ATP6V1H: variants seen among roughly 807,000 people sequenced by gnomAD.
ATP6V1H encodes the protein ATPase H+ transporting V1 subunit H.
Under a neutral mutation model 71.7 loss-of-function variants are expected in ATP6V1H, and 39 were observed. That is an observed-to-expected ratio of 0.54 (90% CI 0.42 to 0.71). The LOEUF (loss-of-function observed/expected upper bound fraction) is 0.71, where lower values mean the gene tolerates loss of function less well. ATP6V1H is among the 30% of genes least tolerant of loss of function. The pLI is 0.00. For missense variants in ATP6V1H, 509 were observed against 594.9 expected, an observed-to-expected ratio of 0.86 and a Z score of 1.50; for synonymous variants, 192 against 199.3, an observed-to-expected ratio of 0.96 and a Z score of 0.31.
chr8:53,797,252 T>G (rs983727857), intron 8 of ATP6V1H, among the ~76,000 whole-genome samples: 1 of 152,180 alleles, frequency 6.6e-6, no homozygotes, highest in South Asian at 2.1e-4. Flanking sequence ...AGAGGCTGAC[T>G]TCAAGGAAGG....
At chr8:53,780,879 T>C (rs1462941085) in intron 9 of ATP6V1H, among the ~76,000 whole-genome samples, 1 of 152,246 alleles carries the variant, frequency 6.6e-6, no homozygotes, top group Non-Finnish European at 1.5e-5. Context: ...CTCATCATTT[T>C]TTATGGCTGC....
intron 9 of ATP6V1H, among the ~76,000 whole-genome samples, chr8:53,786,023 T>A (rs1194260322): frequency 6.6e-6 from 1 of 152,196 alleles, no homozygotes; most frequent in African/African-American, 2.4e-5. Context: ...CATTCTCAGA[T>A]CTCAAGCTGC....
At chr8:53,826,449 G>C (rs2071171730) in intron 4 of ATP6V1H, among the ~76,000 whole-genome samples, 2 of 152,036 alleles carry the variant, frequency 1.3e-5, no homozygotes, top group Admixed American at 1.3e-4. Flanking sequence ...CCACTAATGG[G>C]GTACCATGTA....
At chr8:53,777,554 T>C (rs560152919) in intron 9 of ATP6V1H, among the ~76,000 whole-genome samples, 1 of 152,288 alleles carries the variant, frequency 6.6e-6, no homozygotes, top group South Asian at 2.1e-4. Context: ...AATCATTTTT[T>C]ATAATAACCT....
At chr8:53,721,602 C>G (rs928658253) in intron 13 of ATP6V1H, among the ~76,000 whole-genome samples, 1 of 152,110 alleles carries the variant, frequency 6.6e-6, no homozygotes, top group Non-Finnish European at 1.5e-5. Flanking sequence ...GCAATGATAA[C>G]TGACATGTTG....
At chr8:53,796,790 ACT>A (rs1246080686) in intron 8 of ATP6V1H, among the ~76,000 whole-genome samples, 1 of 151,990 alleles carries the variant, frequency 6.6e-6, no homozygotes, top group Non-Finnish European at 1.5e-5. Flanking sequence ...TGTAATGGAA[ACT>A]CTCTGCACTT....
intron 13 of ATP6V1H, among the ~76,000 whole-genome samples, chr8:53,721,462 C>T (rs1019302677): frequency 6.6e-6 from 1 of 152,058 alleles, no homozygotes; most frequent in Non-Finnish European, 1.5e-5. Flanking sequence ...CAATATGTAC[C>T]ATTTTTTAGT....
At chr8:53,774,033 A>G (rs1808773212) in intron 9 of ATP6V1H, among the ~76,000 whole-genome samples, 1 of 152,192 alleles carries the variant, frequency 6.6e-6, no homozygotes, top group Non-Finnish European at 1.5e-5. Context: ...TCTGTTATGT[A>G]TTATCAAATG....
intron 4 of ATP6V1H, among the ~76,000 whole-genome samples, chr8:53,819,291 G>A (rs1481857151): frequency 6.6e-6 from 1 of 151,410 alleles, no homozygotes; most frequent in Non-Finnish European, 1.5e-5. Context: ...CAGCACTTTG[G>A]GAGGCTGAGA....
At chr8:53,813,940 C>G (rs1336891484) in intron 6 of ATP6V1H, among the ~76,000 whole-genome samples, 1 of 152,028 alleles carries the variant, frequency 6.6e-6, no homozygotes, top group Non-Finnish European at 1.5e-5. Flanking sequence ...CCAGGCTCAC[C>G]CCTTTCGCAG....
intron 13 of ATP6V1H, 72 bp downstream of exon 13, chr8:53,743,505 T>C: frequency 9.5e-7 from 1 of 1,055,302 alleles, no homozygotes; most frequent in East Asian, 2.4e-5. Context: ...AGCATTTGCA[T>C]AAGAACTTTT....
intron 13 of ATP6V1H, among the ~76,000 whole-genome samples, chr8:53,717,699 G>C (rs1482629425): frequency 6.6e-6 from 1 of 152,070 alleles, no homozygotes; most frequent in African/African-American, 2.4e-5. Context: ...TGCAACTTGG[G>C]AGCATTTGTG....
At chr8:53,738,211 T>C (rs1408962484) in intron 13 of ATP6V1H, among the ~76,000 whole-genome samples, 2 of 151,280 alleles carry the variant, frequency 1.3e-5, no homozygotes, top group African/African-American at 4.9e-5. Context: ...GCAGGAGAAT[T>C]GCCTGAACCC....
At chr8:53,827,946 T>C (rs1667714818) in intron 4 of ATP6V1H, among the ~76,000 whole-genome samples, 1 of 152,156 alleles carries the variant, frequency 6.6e-6, no homozygotes, top group Admixed American at 6.5e-5. Context: ...ATGCTCTCAT[T>C]CTGTTTTATG....
intron 4 of ATP6V1H, among the ~76,000 whole-genome samples, chr8:53,819,389 G>A (rs529525505): frequency 1.1e-3 from 170 of 150,456 alleles, no homozygotes; most frequent in African/African-American, 3.7e-3. Flanking sequence ...AAAATTAGCC[G>A]GGTGTGGCGG....
intron 3 of ATP6V1H, among the ~76,000 whole-genome samples, chr8:53,830,173 C>T (rs1810961970): frequency 6.6e-6 from 1 of 152,188 alleles, no homozygotes; most frequent in South Asian, 2.1e-4. Context: ...CAAATCAAAA[C>T]ACTCTATAAA....
chr8:53,726,752 T>A (rs1000263786), intron 13 of ATP6V1H, among the ~76,000 whole-genome samples: 4 of 152,202 alleles, frequency 2.6e-5, no homozygotes, highest in Non-Finnish European at 4.4e-5. Flanking sequence ...GCTAATTCTC[T>A]TCCCTCCATC....
chr8:53,794,654 C>T (rs1256813588), intron 9 of ATP6V1H, among the ~76,000 whole-genome samples: 1 of 152,184 alleles, frequency 6.6e-6, no homozygotes, highest in East Asian at 1.9e-4. Context: ...GTGTGAACCA[C>T]CACACCCAGC....
intron 4 of ATP6V1H, among the ~76,000 whole-genome samples, chr8:53,829,042 A>G (rs1399030876): frequency 6.6e-6 from 1 of 152,190 alleles, no homozygotes; most frequent in East Asian, 1.9e-4. Flanking sequence ...GAACAAAAGC[A>G]CCGAACCTCC....
Sources: gnomAD v4.1 joint callset for allele counts (sites outside exome capture counted in the v4.1 genomes callset) on GRCh38, gnomAD v4.1.1 for gene constraint, MANE v1.5 for transcripts, NCBI Gene and HGNC (gene_info 2026-07-23, HGNC 2026-07-21) for gene names.